Variants in DNAJC13 observed in about 807,000 individuals in gnomAD.
The protein encoded by DNAJC13 is dnaJ homolog subfamily C member 13.
A neutral mutation model predicts 290.5 loss-of-function variants in DNAJC13; 75 were observed. The ratio of observed to expected loss-of-function variants is 0.26; its 90% CI spans 0.21 to 0.31. The LOEUF (loss-of-function observed/expected upper bound fraction) is 0.31, where lower values mean the gene tolerates loss of function less well. Among genes scored for constraint, DNAJC13 ranks in the 10% least tolerant of loss-of-function variants. DNAJC13 has a pLI of 1.00. For missense variants in DNAJC13, 2,260 were observed against 2,674.5 expected, an observed-to-expected ratio of 0.85 and a Z score of 3.42; for synonymous variants, 862 against 892.0, an observed-to-expected ratio of 0.97 and a Z score of 0.60.
intron 32 of DNAJC13, 95 bp downstream of exon 32, chr3:132,491,146 T>A: frequency 9.3e-7 from 1 of 1,075,812 alleles, no homozygotes; most frequent in Non-Finnish European, 1.3e-6. Flanking sequence ...ATGTTTTCAC[T>A]AGGTTTATAA....
intron 2 of DNAJC13, among the ~76,000 whole-genome samples, chr3:132,443,901 G>A (rs1398035113): frequency 6.6e-6 from 1 of 152,162 alleles, no homozygotes; most frequent in Non-Finnish European, 1.5e-5. Context: ...GATCTCTCCA[G>A]TATGGTAGCC....
chr3:132,432,669 C>T (rs1002381171), intron 1 of DNAJC13, among the ~76,000 whole-genome samples: 5 of 152,188 alleles, frequency 3.3e-5, no homozygotes, highest in Admixed American at 2.6e-4. Context: ...AACAATTTAT[C>T]CTGTAAAATT....
chr3:132,466,186 A>C, intron 18 of DNAJC13, 113 bp from the exon 19 acceptor site: 1 of 1,379,362 alleles, frequency 7.2e-7, no homozygotes, highest in Non-Finnish European at 1.0e-6. Flanking sequence ...TTATCATAGG[A>C]GTTACCGTAA....
intron 1 of DNAJC13, among the ~76,000 whole-genome samples, chr3:132,418,484 CCA>C (rs1005564515): frequency 2.6e-5 from 4 of 152,248 alleles, no homozygotes; most frequent in African/African-American, 9.6e-5. Context: ...GTTCCGTTAA[CCA>C]CGTTTGTCTT....
At chr3:132,424,944 G>A (rs1939052268) in intron 1 of DNAJC13, among the ~76,000 whole-genome samples, 1 of 152,072 alleles carries the variant, frequency 6.6e-6, no homozygotes, top group African/African-American at 2.4e-5. Context: ...TAGGGTTAAA[G>A]TTCATATGGC....
At chr3:132,480,169 A>C (rs1934618889) in intron 25 of DNAJC13, among the ~76,000 whole-genome samples, 200 bp from the exon 26 acceptor site, 2 of 152,156 alleles carry the variant, frequency 1.3e-5, no homozygotes, top group African/African-American at 4.8e-5. Flanking sequence ...CTTTTAATCA[A>C]TTGGAATTCA....
intron 8 of DNAJC13, 38 bp from the exon 9 acceptor site, chr3:132,454,028 C>CT (rs755532444): frequency 4.1e-5 from 59 of 1,455,572 alleles, no homozygotes; most frequent in Admixed American, 8.4e-5. Context: ...AAACTATAAA[C>CT]TTTTTTTTGT....
At position 132,522,294 on chromosome 3, in the gene DNAJC13, G is replaced by A. The variant is rs146749104; in HGVS notation, c.5674-534G>A. The stretch of plus-strand genomic sequence containing the variant: ...ATTTTCATTTTGTCTGTATGTATGT[G>A]CTAGATGTATTTTTTAAAAGCTGCT... On this transcript the variant is annotated intron_variant, in intron 48 of 55. Coordinates refer to ENST00000260818, the MANE Select transcript of DNAJC13 (RefSeq NM_015268.4). Among the ~76,000 whole-genome samples, 177 of 152,270 alleles carry A rather than the reference G, an allele frequency of 1.2e-3. 1 individual carries two copies. Among genetic ancestry groups the A allele is most frequent in the African/African-American group, 4.1e-3 (171 of 41,552 alleles).
chr3:132,466,800 GT>G (rs1333833668), intron 19 of DNAJC13, among the ~76,000 whole-genome samples: 1 of 152,060 alleles, frequency 6.6e-6, no homozygotes, highest in Non-Finnish European at 1.5e-5. Flanking sequence ...TATAGGTAGG[GT>G]TTTTTTCCTT....
intron 5 of DNAJC13, among the ~76,000 whole-genome samples, chr3:132,448,226 C>A (rs1179440386): frequency 1.3e-5 from 2 of 152,058 alleles, no homozygotes; most frequent in Non-Finnish European, 2.9e-5. Flanking sequence ...ATGCAGTATC[C>A]CAAACAGTAA....
At chr3:132,500,617 T>C (rs1323574059) in intron 38 of DNAJC13, among the ~76,000 whole-genome samples, 177 bp from the exon 39 acceptor site, 1 of 152,228 alleles carries the variant, frequency 6.6e-6, no homozygotes, top group Non-Finnish European at 1.5e-5. Flanking sequence ...CCAGCATTTA[T>C]AGGAAATCTT....
intron 41 of DNAJC13, among the ~76,000 whole-genome samples, chr3:132,503,629 T>C (rs1337579284): frequency 6.6e-6 from 1 of 152,174 alleles, no homozygotes; most frequent in Non-Finnish European, 1.5e-5. Context: ...TTACCAACCT[T>C]GAGTCACAAA....
At chr3:132,434,394 A>C (rs914890818) in intron 1 of DNAJC13, 144 bp from the exon 2 acceptor site, 48 of 499,354 alleles carry the variant, frequency 9.6e-5, no homozygotes, top group African/African-American at 6.3e-4. Context: ...CAAAAAAAAA[A>C]AAAACAAAAC....
intron 6 of DNAJC13, among the ~76,000 whole-genome samples, chr3:132,451,841 T>TA (rs1452404115): frequency 6.6e-6 from 1 of 152,170 alleles, no homozygotes; most frequent in African/African-American, 2.4e-5. Flanking sequence ...GATGTAGAAA[T>TA]ATAGTTGGTT....
chr3:132,507,498 GT>G, intron 43 of DNAJC13, 145 bp downstream of exon 43: 5 of 610,922 alleles, frequency 8.2e-6, no homozygotes, highest in East Asian at 2.8e-5. Flanking sequence ...CAAATCAAAG[GT>G]TTTTGGCAAC....
intron 51 of DNAJC13, among the ~76,000 whole-genome samples, chr3:132,525,231 T>C (rs1313284679): frequency 6.6e-6 from 1 of 152,064 alleles, no homozygotes; most frequent in Non-Finnish European, 1.5e-5. Context: ...TCCCAGCTAC[T>C]TGGGAGGCTG....
At chr3:132,501,008 A>T (rs987018579) in intron 39 of DNAJC13, 95 bp downstream of exon 39, 1 of 1,408,344 alleles carries the variant, frequency 7.1e-7, no homozygotes, top group Non-Finnish European at 9.6e-7. Context: ...TGTTTTCCCA[A>T]AGTTATTTGT....
intron 1 of DNAJC13, among the ~76,000 whole-genome samples, chr3:132,422,319 G>A (rs1394640276): frequency 1.3e-5 from 2 of 152,140 alleles, no homozygotes; most frequent in Non-Finnish European, 2.9e-5. Context: ...TTACAGGTGT[G>A]AGCCACCATA....
chr3:132,514,656 A>T lies in DNAJC13; in HGVS notation c.5471A>T (p.His1824Leu). 4 of 1,610,150 alleles carry T rather than the reference A, an allele frequency of 2.5e-6. No homozygotes were observed. Among genetic ancestry groups the T allele is most frequent in the Non-Finnish European group, 3.4e-6 (4 of 1,178,144 alleles). ...TTGTCCAGTTTATTGGCTCTTCTAC[A>T]TTCATTGCCATCAAGTATGTATACA... ...MVLSSLLALL[H>L]SLPSSRQLVL... Residue 1824 changes from histidine (H) to leucine (L), a missense_variant, in exon 46 of 56, where the codon CAT (histidine) becomes CTT (leucine). By Grantham distance (99) the His-to-Leu change is moderately conservative (BLOSUM62 -3). Transcript: ENST00000260818.
Sources: gnomAD v4.1 joint callset for allele counts (sites outside exome capture counted in the v4.1 genomes callset) on GRCh38, gnomAD v4.1.1 for gene constraint, MANE v1.5 for transcripts, NCBI Gene and HGNC (gene_info 2026-07-23, HGNC 2026-07-21) for gene names.